TELO2: variants seen among roughly 807,000 people sequenced by gnomAD.
TELO2 encodes the protein telomere length regulation protein TEL2 homolog.
Under a neutral mutation model 91.0 loss-of-function variants are expected in TELO2, and 71 were observed. The ratio of observed to expected loss-of-function variants is 0.78; its 90% CI spans 0.64 to 0.95. The LOEUF is 0.95. TELO2 is among the 40% of genes least tolerant of loss of function. TELO2 has a pLI of 0.00. For missense variants in TELO2, 1,183 were observed against 1,141.3 expected (o/e 1.04, Z -0.53); for synonymous variants, 584 against 518.9 (o/e 1.13, Z -1.71).
At position 1,509,994 on chromosome 16, in the gene TELO2, C is replaced by T. The variant is rs76140725; in HGVS notation, c.*58C>T. 0.016 allele frequency: 23,823 copies of T among 1,453,836 alleles called. 2,321 individuals carry two copies. In the Admixed American group the frequency reaches 0.22, roughly 13 times the overall value. 90.1% of individuals were successfully genotyped at this position (1,453,836 alleles called of 1,614,324 possible). A position where few individuals can be genotyped will look rare whatever the true frequency, so the allele number is the denominator to read the frequency against. On this transcript the variant is annotated 3_prime_UTR_variant, in exon 21 of 21. Coordinates refer to ENST00000262319, the MANE Select transcript of TELO2 (RefSeq NM_016111.4). The stretch of plus-strand genomic sequence containing the variant: ...GACAGCAAGGCAGGCGGCTGAGCAG[C>T]GGCCTGGAGCAGCAGAGCCAGGCTT...
At position 1,498,540 on chromosome 16, in the gene TELO2, C is replaced by T. The variant is rs538496619; in HGVS notation, c.831-691C>T. On this transcript the variant is annotated intron_variant, in intron 5 of 20. Transcript: ENST00000262319. ...GCAGCCTCGACCTCCTGGGCTCCAG[C>T]GATCTTCCCACCTCAGCCTCCTGAG... Among the ~76,000 whole-genome samples the T allele has an allele frequency of 2.5e-4, 38 of 151,982 alleles. No individual in the cohort carries two copies. The South Asian group carries it at 7.1e-3, about 28-fold the overall frequency.
At chr16:1,499,554 C>T (rs531804903) in intron 6 of TELO2, among the ~76,000 whole-genome samples, 2 of 151,116 alleles carry the variant, frequency 1.3e-5, no homozygotes, top group Admixed American at 1.3e-4. Context: ...ATCTTCTAGA[C>T]TCCCGAGAAG....
intron 9 of TELO2, 92 bp downstream of exon 9, chr16:1,500,791 G>A (rs943683792): frequency 4.5e-5 from 69 of 1,533,184 alleles, no homozygotes; most frequent in Non-Finnish European, 5.7e-5. Context: ...GCCTCTTCCC[G>A]GGGTCCAGAC....
Position 1,509,945 on chromosome 16 carries a change from G to A in TELO2, c.*9G>A, listed in dbSNP as rs1348498403. ...CACCCGCGTCTCCCTAGTCCCTGGA[G>A]GCCTCCCCAGGACCACCCTCGCCGA... On this transcript the variant is annotated 3_prime_UTR_variant, in exon 21 of 21. Coordinates refer to ENST00000262319, the MANE Select transcript of TELO2 (RefSeq NM_016111.4). The A allele has an allele frequency of 3.2e-6, 5 of 1,579,654 alleles. No individual in the cohort carries two copies. Among genetic ancestry groups the A allele is most frequent in the East Asian group, 2.3e-5 (1 of 42,704 alleles).
At chr16:1,496,872 TC>T (rs2141022734) in intron 3 of TELO2, among the ~76,000 whole-genome samples, 163 bp from the exon 4 acceptor site, 1 of 152,360 alleles carries the variant, frequency 6.6e-6, no homozygotes, top group East Asian at 1.9e-4. Flanking sequence ...TTCCACGCAC[TC>T]CTGTTCAGAT....
At chr16:1,508,211 C>G (rs545363484) in intron 20 of TELO2, among the ~76,000 whole-genome samples, 1 of 152,170 alleles carries the variant, frequency 6.6e-6, no homozygotes, top group Non-Finnish European at 1.5e-5. Context: ...TGGCTCACTG[C>G]GACCTCCGCC....
At chr16:1,500,044 C>T (rs554665210) in intron 6 of TELO2, 52 bp from the exon 7 acceptor site, 373 of 1,571,118 alleles carry the variant, frequency 2.4e-4, no homozygotes, top group Admixed American at 1.3e-3. Context: ...GAGCCCCGGG[C>T]TGGCCAGGCG....
intron 14 of TELO2, 66 bp from the exon 15 acceptor site, chr16:1,502,865 G>T: frequency 6.2e-7 from 1 of 1,603,414 alleles, no homozygotes; most frequent in Non-Finnish European, 8.5e-7. Flanking sequence ...GCTGTGAGGT[G>T]CCCGGAGGTC....
rs1032588108 is a variant in TELO2, at chr16:1,505,863, C to A, written c.2034+262C>A. Among the ~76,000 whole-genome samples, 7 of 152,180 alleles carry A rather than the reference C, an allele frequency of 4.6e-5. No individual in the cohort carries two copies. The highest frequency in any genetic ancestry group is 1.7e-4 in the African/African-American group (7 of 41,436). On this transcript the variant is annotated intron_variant, in intron 16 of 20. Coordinates refer to ENST00000262319, the MANE Select transcript of TELO2 (RefSeq NM_016111.4). The surrounding 1 kb of genome is among the most constrained non-coding windows in gnomAD (Gnocchi z 4.3). Reference sequence around the variant, plus strand: ...GCTCTGTCCTCAGAGCCCATCTAGGCCAGGGGTGGTGTTGCTCCACCTGAG... The same window carrying A: ...GCTCTGTCCTCAGAGCCCATCTAGGACAGGGGTGGTGTTGCTCCACCTGAG...
intron 20 of TELO2, 35 bp from the exon 21 acceptor site, chr16:1,509,795 C>T: frequency 6.3e-7 from 1 of 1,577,792 alleles, no homozygotes; most frequent in Non-Finnish European, 8.6e-7. Flanking sequence ...GCCCTCCACG[C>T]TGCCTCAGCT....
In TELO2 at chr16:1,500,615, GC is replaced by G; in HGVS notation, c.1203del (p.Val402CysfsTer6). 1 of 1,612,314 alleles carries G rather than the reference GC, an allele frequency of 6.2e-7. No homozygotes were observed. The highest frequency in any genetic ancestry group is 8.5e-7 in the Non-Finnish European group (1 of 1,179,746). On this transcript the variant is annotated frameshift_variant, in exon 9 of 21. Coordinates refer to ENST00000262319, the MANE Select transcript of TELO2 (RefSeq NM_016111.4). LOFTEE classifies it high-confidence loss of function. ...TGAAGTGCCGCCTGGACAGTAGCCTGCCCCCCGTGCGACGCCTGGGCATGAT... is the reference window on the plus strand; with the variant it reads ...TGAAGTGCCGCCTGGACAGTAGCCTGCCCCCGTGCGACGCCTGGGCATGAT... Reference protein sequence around the residue: ...GVKCRLDSSLPPVRRLGMIVA... With the variant: ...GVKCRLDSSLXPVRRLGMIVA...
chr16:1,506,400 G>A (rs1172619768), intron 17 of TELO2, 71 bp downstream of exon 17: 3 of 1,611,412 alleles, frequency 1.9e-6, no homozygotes, highest in South Asian at 1.1e-5. Context: ...TGGCCAAGAA[G>A]TTCGGGCTGG....
At position 1,501,647 on chromosome 16, in the gene TELO2, C is replaced by T. The variant is rs1203702290; in HGVS notation, c.1362-16C>T. ...GAGGGGCCCCTAAAGGATTTTTGTT[C>T]CTTGTTTCCTTAAAGCACGTCCCTC... On this transcript the variant is annotated splice_polypyrimidine_tract_variant and intron_variant, in intron 10 of 20. Transcript: ENST00000262319. 6.3e-7 allele frequency: 1 copy of T among 1,598,530 alleles called. No homozygotes were observed. The highest frequency in any genetic ancestry group is 1.1e-5 in the South Asian group (1 of 89,730).
In TELO2 at chr16:1,499,205, C is replaced by G. The variant is rs760582253; in HGVS notation, c.831-26C>G. On this transcript the variant is annotated intron_variant, in intron 5 of 20. Coordinates refer to ENST00000262319, the MANE Select transcript of TELO2 (RefSeq NM_016111.4). ...TCCCTGTCTCCAGGCCGGCTTGCAG[C>G]TCTGGCCCCTGACTCTGTCTTGCAG... 1.9e-6 allele frequency: 3 copies of G among 1,612,000 alleles called. No individual in the cohort carries two copies. The African/African-American group carries it at 4.0e-5, about 22-fold the overall frequency.
At chr16:1,498,583 C>T (rs1488618230) in intron 5 of TELO2, among the ~76,000 whole-genome samples, 4 of 152,112 alleles carry the variant, frequency 2.6e-5, no homozygotes, top group Admixed American at 2.6e-4. Context: ...AACACAGGTG[C>T]GCGCTATCAT....
intron 5 of TELO2, 152 bp from the exon 6 acceptor site, chr16:1,499,079 C>A: frequency 1.4e-6 from 1 of 726,220 alleles, no homozygotes; most frequent in Non-Finnish European, 2.3e-6. Context: ...GAAGGCCCAG[C>A]TCAGGCAGTC....
chr16:1,501,283 C>T, intron 9 of TELO2, 137 bp from the exon 10 acceptor site: 1 of 881,964 alleles, frequency 1.1e-6, no homozygotes, highest in South Asian at 1.6e-5. Flanking sequence ...AAAAAGACAC[C>T]TGGCTATCCA....
chr16:1,503,329 G>T (rs1305227681), intron 15 of TELO2, among the ~76,000 whole-genome samples: 1 of 152,204 alleles, frequency 6.6e-6, no homozygotes, highest in African/African-American at 2.4e-5. Flanking sequence ...GCACTGGAAG[G>T]CTGAGGCGGG....
chr16:1,500,790 C>T (rs2039652667), intron 9 of TELO2, 91 bp downstream of exon 9: 26 of 1,534,000 alleles, frequency 1.7e-5, no homozygotes, highest in Non-Finnish European at 2.1e-5. Context: ...CGCCTCTTCC[C>T]GGGGTCCAGA....
Sources: gnomAD v4.1 joint callset for allele counts (sites outside exome capture counted in the v4.1 genomes callset) on GRCh38, gnomAD v4.1.1 for gene constraint, Gnocchi (gnomAD v3.1) non-coding constraint, MANE v1.5 for transcripts, NCBI Gene and HGNC (gene_info 2026-07-23, HGNC 2026-07-21) for gene names.